The following PREX2 variants were observed in gnomAD, a reference collection of about 807,000 sequenced individuals.
PREX2 encodes phosphatidylinositol-3,4,5-trisphosphate dependent Rac exchange factor 2.
Under a neutral mutation model 203.2 loss-of-function variants are expected in PREX2, and 107 were observed. The observed-to-expected ratio is 0.53, with a 90% CI of 0.45 to 0.62. PREX2 has a LOEUF of 0.62. PREX2 is among the 20% of genes least tolerant of loss of function. The probability of loss-of-function intolerance (pLI) is 0.00; values close to 1 mark genes in which losing one functional copy is unlikely to be tolerated. For missense variants in PREX2, 1,777 were observed against 1,955.9 expected (o/e 0.91, Z 1.72); for synonymous variants, 672 against 663.6 (o/e 1.01, Z -0.19).
chr8:68,200,476 GT>G (rs1812479254), intron 37 of PREX2, among the ~76,000 whole-genome samples: 1 of 151,868 alleles, frequency 6.6e-6, no homozygotes, highest in Admixed American at 6.6e-5. Context: ...CAGGTAAATT[GT>G]TAAAATTATA....
At chr8:68,056,754 G>C (rs1207374668) in intron 10 of PREX2, among the ~76,000 whole-genome samples, 2 of 152,276 alleles carry the variant, frequency 1.3e-5, no homozygotes, top group South Asian at 2.1e-4. Flanking sequence ...AATTTCATAT[G>C]GTTAGTGAAT....
rs1298638849 is a variant in PREX2 at position 68,097,372 on chromosome 8, G to A, written c.2553+171G>A. ...CAGAATATCACTCTGTCACCCAGGT[G>A]AGAGTGCAGTGGCGTGATCTCGGCT... On this transcript the variant is annotated intron_variant, in intron 22 of 39. Transcript: ENST00000288368. Among the ~76,000 whole-genome samples, 42 of 150,312 alleles carry A rather than the reference G, an allele frequency of 2.8e-4. 1 individual carries two copies. The highest frequency in any genetic ancestry group is 2.8e-3 in the Admixed American group (42 of 15,080).
chr8:68,211,256 A>G lies in PREX2; in HGVS notation c.4605-6360A>G, dbSNP rs184602851. On this transcript the variant is annotated intron_variant, in intron 37 of 39. Coordinates refer to ENST00000288368, the MANE Select transcript of PREX2 (RefSeq NM_024870.4). ...GGTGGACTCTACTTTAACTGAACTC[A>G]GTTTATAAAACAAATATTGGCATAC... 5.3e-5 allele frequency among the ~76,000 whole-genome samples: 8 copies of G among 152,344 alleles called. No individual in the cohort carries two copies. The East Asian group carries it at 1.2e-3, about 22-fold the overall frequency.
intron 34 of PREX2, among the ~76,000 whole-genome samples, chr8:68,154,574 G>A (rs1811503934): frequency 6.6e-6 from 1 of 152,302 alleles, no homozygotes; most frequent in African/African-American, 2.4e-5. Context: ...AGCAGCTTGT[G>A]AACATGGCAT....
chr8:68,097,455 G>A (rs1810119851), intron 22 of PREX2, among the ~76,000 whole-genome samples: 1 of 152,006 alleles, frequency 6.6e-6, no homozygotes, highest in East Asian at 1.9e-4. Context: ...CTCCCAAGTA[G>A]CTGGGATTAC....
intron 3 of PREX2, among the ~76,000 whole-genome samples, chr8:68,021,151 C>A (rs991514847): frequency 1.3e-5 from 2 of 152,094 alleles, no homozygotes; most frequent in African/African-American, 4.8e-5. Context: ...AAGAATATCT[C>A]CTATTTATCT....
chr8:67,990,867 G>T (rs1806580241), intron 1 of PREX2, among the ~76,000 whole-genome samples: 1 of 152,118 alleles, frequency 6.6e-6, no homozygotes, highest in Non-Finnish European at 1.5e-5. Flanking sequence ...CCTTAAAGGA[G>T]AATGTTAGAC....
chr8:68,129,910 C>A (rs1234846652), intron 31 of PREX2, among the ~76,000 whole-genome samples: 1 of 150,036 alleles, frequency 6.7e-6, no homozygotes, highest in Admixed American at 6.6e-5. Flanking sequence ...CCCTCAAATT[C>A]TCTGTTTTTC....
At chr8:68,108,076 TC>T in intron 23 of PREX2, 32 bp from the exon 24 acceptor site, 1 of 1,487,980 alleles carries the variant, frequency 6.7e-7, no homozygotes, top group Non-Finnish European at 9.3e-7. Flanking sequence ...TACTGTGTGT[TC>T]AACTGCTTTT....
chr8:68,038,825 T>C lies in PREX2; in HGVS notation c.839+533T>C, dbSNP rs1158655792. 2.6e-5 allele frequency among the ~76,000 whole-genome samples: 4 copies of C among 152,260 alleles called. No individual in the cohort carries two copies. In the East Asian group the frequency reaches 7.7e-4, roughly 29 times the overall value. Reference sequence around the variant, plus strand: ...CTTACTCCTGTTGCCATTTTGGGGGTGTTCAAAACTCACATGGATGATCTA... The same window carrying C: ...CTTACTCCTGTTGCCATTTTGGGGGCGTTCAAAACTCACATGGATGATCTA... On this transcript the variant is annotated intron_variant, in intron 7 of 39. Coordinates refer to ENST00000288368, the MANE Select transcript of PREX2 (RefSeq NM_024870.4).
At chr8:68,144,615 T>C (rs1445610960) in intron 33 of PREX2, among the ~76,000 whole-genome samples, 2 of 152,098 alleles carry the variant, frequency 1.3e-5, no homozygotes, top group African/African-American at 2.4e-5. Flanking sequence ...CCAATCATTA[T>C]AGTTTCTTTT....
chr8:68,109,767 C>A, intron 25 of PREX2, 144 bp downstream of exon 25: 1 of 665,160 alleles, frequency 1.5e-6, no homozygotes, highest in Non-Finnish European at 2.5e-6. Flanking sequence ...CATTCCAAAA[C>A]CTTAAAAATG....
intron 13 of PREX2, among the ~76,000 whole-genome samples, chr8:68,070,187 G>A (rs993894944): frequency 6.6e-6 from 1 of 151,388 alleles, no homozygotes; most frequent in Non-Finnish European, 1.5e-5. Context: ...TGATTGATTG[G>A]GAGAGGATTT....
At chr8:68,061,040 G>A (rs571165389) in intron 11 of PREX2, among the ~76,000 whole-genome samples, 1 of 152,170 alleles carries the variant, frequency 6.6e-6, no homozygotes, top group South Asian at 2.1e-4. Context: ...GGAAGGGATG[G>A]TTAGTTCTAT....
At chr8:67,953,012 G>A (rs919242465) in intron 1 of PREX2, among the ~76,000 whole-genome samples, 1 of 152,146 alleles carries the variant, frequency 6.6e-6, no homozygotes, top group Non-Finnish European at 1.5e-5. Context: ...GCTTGAGTTC[G>A]TTACTCAGAT....
chr8:68,231,474 A>T lies in PREX2; in HGVS notation c.*96A>T. 1.3e-6 allele frequency: 1 copy of T among 791,146 alleles called. No individual in the cohort carries two copies. Among genetic ancestry groups the T allele is most frequent in the Non-Finnish European group, 1.8e-6 (1 of 556,778 alleles). The allele number at this position is 791,146 out of a possible 1,614,324, so 49.0% of individuals were successfully genotyped here. A position where few individuals can be genotyped will look rare whatever the true frequency, so the allele number is the denominator to read the frequency against. On this transcript the variant is annotated 3_prime_UTR_variant, in exon 40 of 40. Coordinates refer to ENST00000288368, the MANE Select transcript of PREX2 (RefSeq NM_024870.4). The stretch of plus-strand genomic sequence containing the variant: ...AACATTCTCCACTGAAGATACATCA[A>T]TGCTTTTTTTTTTTTTTTTTTCTGT...
At chr8:68,052,115 G>A (rs1254602666) in intron 8 of PREX2, among the ~76,000 whole-genome samples, 2 of 152,112 alleles carry the variant, frequency 1.3e-5, no homozygotes, top group African/African-American at 2.4e-5. Context: ...AACAAGCAAA[G>A]TGCCACAAAG....
chr8:68,207,260 T>A (rs1252206083), intron 37 of PREX2, among the ~76,000 whole-genome samples: 1 of 152,172 alleles, frequency 6.6e-6, no homozygotes, highest in Non-Finnish European at 1.5e-5. Context: ...GAAAGAAGAA[T>A]CATATCCCAT....
chr8:68,017,825 A>G (rs1316462633), intron 1 of PREX2, 21 bp from the exon 2 acceptor site: 9 of 1,603,484 alleles, frequency 5.6e-6, no homozygotes, highest in Non-Finnish European at 6.8e-6. Context: ...TACCTTCATA[A>G]TGTCTTCTTG....
Sources: gnomAD v4.1 joint callset for allele counts (sites outside exome capture counted in the v4.1 genomes callset) on GRCh38, gnomAD v4.1.1 for gene constraint, MANE v1.5 for transcripts, NCBI Gene and HGNC (gene_info 2026-07-23, HGNC 2026-07-21) for gene names.